Variants in SNAP25 observed in about 807,000 individuals in gnomAD.
The protein encoded by SNAP25 is synaptosomal-associated protein 25.
Under a neutral mutation model 28.7 loss-of-function variants are expected in SNAP25, and 3 were observed. The ratio of observed to expected loss-of-function variants is 0.10; its 90% CI spans 0.05 to 0.27. SNAP25 has a LOEUF of 0.27. SNAP25 is among the 10% of genes least tolerant of loss of function. The pLI, the probability that SNAP25 is intolerant of heterozygous loss-of-function variation, is 1.00. For synonymous variants in SNAP25, 61 were observed against 88.1 expected (o/e 0.69, Z 1.72); for missense variants, 117 against 278.7 (o/e 0.42, Z 4.13).
chr20:10,243,579 A>G (rs2063073271), intron 1 of SNAP25, among the ~76,000 whole-genome samples: 1 of 152,122 alleles, frequency 6.6e-6, no homozygotes, highest in African/African-American at 2.4e-5. Flanking sequence ...ATGTCATCCA[A>G]TCTGGGTTTG....
chr20:10,224,228 G>A (rs1282644182), intron 1 of SNAP25, among the ~76,000 whole-genome samples: 1 of 129,448 alleles, frequency 7.7e-6, no homozygotes, highest in African/African-American at 3.1e-5. Flanking sequence ...TTTCATATTG[G>A]CCAAATAAGG....
In SNAP25 at chr20:10,275,548, C is replaced by T; in HGVS notation, c.57C>T (p.Asp19=). 1.2e-6 allele frequency: 2 copies of T among 1,600,368 alleles called. No homozygotes were observed. Among genetic ancestry groups the T allele is most frequent in the Non-Finnish European group, 1.7e-6 (2 of 1,172,444 alleles). The part of the protein sequence containing the change: ...NELEEMQRRA[D]QLADESLEST... The stretch of plus-strand genomic sequence containing the variant: ...TGGAGGAGATGCAGCGAAGGGCTGA[C>T]CAGTTGGCTGATGAGGTAAGGAGTG... Residue 19 remains aspartate (D), a synonymous_variant, in exon 2 of 8, where the codon GAC becomes GAT. Coordinates refer to ENST00000254976, the MANE Select transcript of SNAP25 (RefSeq NM_130811.4).
intron 6 of SNAP25, 40 bp downstream of exon 6, chr20:10,297,090 G>T (rs200135840): frequency 6.6e-7 from 1 of 1,508,306 alleles, no homozygotes; most frequent in East Asian, 2.4e-5. Context: ...GTTCTCTATT[G>T]TCAAGTACAA....
intron 1 of SNAP25, among the ~76,000 whole-genome samples, chr20:10,220,151 A>C (rs114717258): frequency 3.3e-5 from 5 of 152,174 alleles, no homozygotes; most frequent in South Asian, 2.1e-4. Flanking sequence ...ATCTCTCTCT[A>C]TGTTTCCATT....
At chr20:10,229,537 G>A (rs2062789771) in intron 1 of SNAP25, among the ~76,000 whole-genome samples, 1 of 152,106 alleles carries the variant, frequency 6.6e-6, no homozygotes, top group Non-Finnish European at 1.5e-5. Flanking sequence ...GGTTGGAAAA[G>A]GCTTCCAAAA....
chr20:10,240,258 C>T lies in SNAP25; in HGVS notation c.-64+21281C>T, dbSNP rs138368563. 3.1e-3 allele frequency among the ~76,000 whole-genome samples: 466 copies of T among 152,272 alleles called. 2 individuals are homozygous for T. Among genetic ancestry groups the T allele is most frequent in the Middle Eastern group, 0.017 (5 of 294 alleles). ...TCACAACATGACAGCTGACTTCAAG[C>T]CCAGCAGAAGAATCTCTCTCTTCAG... is the stretch of plus-strand genomic sequence containing the variant. On this transcript the variant is annotated intron_variant, in intron 1 of 7. Transcript: ENST00000254976.
intron 2 of SNAP25, among the ~76,000 whole-genome samples, chr20:10,276,383 G>A (rs906441448): frequency 1.1e-4 from 17 of 152,212 alleles, no homozygotes; most frequent in Admixed American, 1.0e-3. Flanking sequence ...TTGTTTTGCT[G>A]ATTGTCTAGA....
intron 5 of SNAP25, among the ~76,000 whole-genome samples, chr20:10,294,575 T>C (rs1380463073): frequency 6.6e-6 from 1 of 152,162 alleles, no homozygotes; most frequent in Non-Finnish European, 1.5e-5. Context: ...TCCACATCTA[T>C]GAGGACCAAA....
chr20:10,246,146 T>C (rs1600677051), intron 1 of SNAP25, among the ~76,000 whole-genome samples: 1 of 152,364 alleles, frequency 6.6e-6, no homozygotes, highest in East Asian at 1.9e-4. Flanking sequence ...AGCATATTGA[T>C]TCTAAGCTGA....
At position 10,254,910 on chromosome 20, in the gene SNAP25, T is replaced by C. The variant is rs139815375; in HGVS notation, c.-63-20519T>C. Among the ~76,000 whole-genome samples the C allele has an allele frequency of 2.9e-3, 435 of 152,308 alleles. 6 individuals carry two copies. The highest frequency in any genetic ancestry group is 3.3e-3 in the Non-Finnish European group (225 of 68,028). On this transcript the variant is annotated intron_variant, in intron 1 of 7. Coordinates refer to ENST00000254976, the MANE Select transcript of SNAP25 (RefSeq NM_130811.4). ...TCATTGGCCTCAGGGAAAATCTCTCTAGCTTCCCTCTTCAGCTCAGCCTCT... is the reference window on the plus strand; with the variant it reads ...TCATTGGCCTCAGGGAAAATCTCTCCAGCTTCCCTCTTCAGCTCAGCCTCT...
intron 1 of SNAP25, among the ~76,000 whole-genome samples, chr20:10,224,845 G>T (rs977610046): frequency 1.3e-5 from 2 of 151,472 alleles, no homozygotes; most frequent in African/African-American, 4.9e-5. Context: ...CCTAAACTTT[G>T]TATAAATTTC....
At chr20:10,268,059 G>A (rs2063533953) in intron 1 of SNAP25, among the ~76,000 whole-genome samples, 1 of 152,138 alleles carries the variant, frequency 6.6e-6, no homozygotes, top group South Asian at 2.1e-4. Context: ...TTTGTGTAAA[G>A]GTATATTTTA....
chr20:10,259,580 C>T (rs2063377127), intron 1 of SNAP25, among the ~76,000 whole-genome samples: 1 of 151,824 alleles, frequency 6.6e-6, no homozygotes, highest in Non-Finnish European at 1.5e-5. Context: ...ATTCTCTTGC[C>T]CAGGCTGGCG....
At chr20:10,281,510 T>C (rs1365341944) in intron 3 of SNAP25, among the ~76,000 whole-genome samples, 2 of 152,218 alleles carry the variant, frequency 1.3e-5, no homozygotes, top group Non-Finnish European at 2.9e-5. Flanking sequence ...AATTTAATCT[T>C]TGTTAGCTTC....
At chr20:10,227,057 C>T (rs2062745677) in intron 1 of SNAP25, among the ~76,000 whole-genome samples, 1 of 152,120 alleles carries the variant, frequency 6.6e-6, no homozygotes, top group Non-Finnish European at 1.5e-5. Context: ...ACTTCCCAAT[C>T]CAATCCACTT....
chr20:10,234,204 A>C (rs566237085), intron 1 of SNAP25, among the ~76,000 whole-genome samples: 1 of 151,204 alleles, frequency 6.6e-6, no homozygotes, highest in South Asian at 2.1e-4. Context: ...TTTGAACTTC[A>C]TCACAGTTCT....
At chr20:10,221,020 G>A (rs1012180084) in intron 1 of SNAP25, among the ~76,000 whole-genome samples, 1 of 152,088 alleles carries the variant, frequency 6.6e-6, no homozygotes, top group African/African-American at 2.4e-5. Context: ...GTATGTAAAC[G>A]TATAAAAGAA....
intron 7 of SNAP25, among the ~76,000 whole-genome samples, chr20:10,301,228 C>T (rs758940373): frequency 3.3e-5 from 5 of 152,150 alleles, no homozygotes; most frequent in South Asian, 2.1e-4. Context: ...TTTTCTTCTA[C>T]GCCCAGTGTA....
At chr20:10,286,431 A>G (rs1717974605) in intron 4 of SNAP25, among the ~76,000 whole-genome samples, 1 of 152,332 alleles carries the variant, frequency 6.6e-6, no homozygotes, top group Admixed American at 6.5e-5. Context: ...TCTGATGCCT[A>G]TAAAAGTAGA....
Sources: allele counts gnomAD v4.1 joint callset (sites outside exome capture counted in the v4.1 genomes callset), GRCh38; gene constraint gnomAD v4.1.1; transcripts MANE v1.5; gene names NCBI Gene and HGNC (gene_info 2026-07-23, HGNC 2026-07-21).